The following LRRTM4 variants were observed in gnomAD, a reference collection of about 807,000 sequenced individuals.
The protein encoded by LRRTM4 is leucine-rich repeat transmembrane neuronal protein 4.
In LRRTM4, 25 loss-of-function variants were observed where a neutral mutation model predicts 47.6. That is an observed-to-expected ratio of 0.53 (90% CI 0.38 to 0.73). LRRTM4 has a LOEUF of 0.73. Ranked by LOEUF, LRRTM4 falls within the 30% of genes least tolerant of loss-of-function variation. The pLI is 0.00. For missense variants in LRRTM4, 638 were observed against 713.4 expected (o/e 0.89, Z 1.20); for synonymous variants, 311 against 269.5 (o/e 1.15, Z -1.51).
At chr2:76,815,125 G>GAAAT (rs942700744) in intron 3 of LRRTM4, among the ~76,000 whole-genome samples, 1 of 151,742 alleles carries the variant, frequency 6.6e-6, no homozygotes, top group Non-Finnish European at 1.5e-5. Flanking sequence ...AATAAGAAAA[G>GAAAT]AAATAAATAA....
chr2:76,816,084 C>G (rs1229671753), intron 3 of LRRTM4, among the ~76,000 whole-genome samples: 1 of 152,046 alleles, frequency 6.6e-6, no homozygotes, highest in Non-Finnish European at 1.5e-5. Context: ...ATCAAATTCA[C>G]AAGTCTGTAC....
At chr2:76,779,002 C>A (rs1674193236) in intron 3 of LRRTM4, among the ~76,000 whole-genome samples, 1 of 135,034 alleles carries the variant, frequency 7.4e-6, no homozygotes, top group Admixed American at 7.7e-5. Context: ...TTATTTGTGC[C>A]TTCATTTCGT....
intron 3 of LRRTM4, among the ~76,000 whole-genome samples, chr2:76,830,737 C>T (rs576012619): frequency 2.2e-4 from 34 of 151,842 alleles, no homozygotes; most frequent in Non-Finnish European, 4.3e-4. Context: ...ACTGGAAAAA[C>T]AAGAAATGGG....
At chr2:77,246,636 T>A (rs1558651598) in intron 3 of LRRTM4, among the ~76,000 whole-genome samples, 1 of 152,094 alleles carries the variant, frequency 6.6e-6, no homozygotes, top group South Asian at 2.1e-4. Flanking sequence ...TTAGACATTA[T>A]CCTCTGATTT....
At chr2:77,228,750 A>C (rs1212195548) in intron 3 of LRRTM4, among the ~76,000 whole-genome samples, 2 of 152,212 alleles carry the variant, frequency 1.3e-5, no homozygotes, top group Non-Finnish European at 2.9e-5. Flanking sequence ...TCAGGAGAAG[A>C]GCTAGTGCTT....
chr2:77,342,840 C>T (rs1428105706), intron 3 of LRRTM4, among the ~76,000 whole-genome samples: 1 of 118,480 alleles, frequency 8.4e-6, no homozygotes, highest in Non-Finnish European at 2.1e-5. Flanking sequence ...GGTATGTTCC[C>T]CAGGCAGGTT....
At chr2:76,950,240 A>G (rs908977931) in intron 3 of LRRTM4, among the ~76,000 whole-genome samples, 1 of 151,948 alleles carries the variant, frequency 6.6e-6, no homozygotes, top group Non-Finnish European at 1.5e-5. Context: ...GTCTAAATAC[A>G]TATATTAAAA....
intron 3 of LRRTM4, among the ~76,000 whole-genome samples, chr2:77,193,119 T>C (rs532821525): frequency 2.6e-5 from 4 of 152,330 alleles, no homozygotes; most frequent in Admixed American, 1.3e-4. Context: ...AATGCTTGGA[T>C]ACGCAAGTAC....
chr2:77,280,547 G>A (rs1169638404), intron 3 of LRRTM4, among the ~76,000 whole-genome samples: 1 of 151,968 alleles, frequency 6.6e-6, no homozygotes, highest in African/African-American at 2.4e-5. Context: ...TAAAGGTGCA[G>A]AACAAGGGAA....
intron 3 of LRRTM4, among the ~76,000 whole-genome samples, chr2:77,374,858 T>C (rs780939940): frequency 2.6e-5 from 4 of 151,770 alleles, no homozygotes; most frequent in African/African-American, 4.8e-5. Flanking sequence ...TCATCTCTTT[T>C]TGTGAAATGG....
At chr2:77,051,148 A>G (rs999251076) in intron 3 of LRRTM4, among the ~76,000 whole-genome samples, 2 of 151,860 alleles carry the variant, frequency 1.3e-5, no homozygotes, top group South Asian at 2.1e-4. Context: ...AGGGGCTGCT[A>G]TTGTCATCTA....
At chr2:76,981,816 A>G (rs1239215157) in intron 3 of LRRTM4, among the ~76,000 whole-genome samples, 2 of 151,874 alleles carry the variant, frequency 1.3e-5, no homozygotes, top group African/African-American at 4.8e-5. Flanking sequence ...TAAATCTATT[A>G]AGAAATAGTC....
At chr2:77,020,983 G>T (rs1366885867) in intron 3 of LRRTM4, among the ~76,000 whole-genome samples, 1 of 152,106 alleles carries the variant, frequency 6.6e-6, no homozygotes, top group African/African-American at 2.4e-5. Flanking sequence ...TCCTGTATGT[G>T]TCTCACCATT....
intron 3 of LRRTM4, among the ~76,000 whole-genome samples, chr2:76,785,782 T>G (rs191027289): frequency 6.6e-6 from 1 of 152,242 alleles, no homozygotes; most frequent in Admixed American, 6.5e-5. Flanking sequence ...ATATTTAAAC[T>G]TATAGCATGG....
At chr2:77,279,820 G>A (rs1012852262) in intron 3 of LRRTM4, among the ~76,000 whole-genome samples, 2 of 151,890 alleles carry the variant, frequency 1.3e-5, no homozygotes, top group Non-Finnish European at 2.9e-5. Flanking sequence ...GAGAGAGGCA[G>A]GACATATTTA....
intron 3 of LRRTM4, among the ~76,000 whole-genome samples, chr2:77,091,233 T>A (rs1670626598): frequency 6.7e-6 from 1 of 150,264 alleles, no homozygotes; most frequent in East Asian, 2.0e-4. Context: ...CTCCTTTGCG[T>A]CCTCCTCTTG....
intron 3 of LRRTM4, among the ~76,000 whole-genome samples, chr2:77,310,151 A>G (rs1239952557): frequency 6.6e-6 from 1 of 152,160 alleles, no homozygotes; most frequent in Non-Finnish European, 1.5e-5. Context: ...TATATATGCT[A>G]AGCTCATATG....
At chr2:77,386,439 G>T (rs959779938) in intron 3 of LRRTM4, among the ~76,000 whole-genome samples, 1 of 152,116 alleles carries the variant, frequency 6.6e-6, no homozygotes, top group Non-Finnish European at 1.5e-5. Flanking sequence ...CCCTGCAAAG[G>T]ACATAAACTC....
chr2:77,164,861 GA>G (rs1180563386), intron 3 of LRRTM4, among the ~76,000 whole-genome samples: 7 of 152,126 alleles, frequency 4.6e-5, no homozygotes, highest in Admixed American at 4.6e-4. Flanking sequence ...AGAGAAAGCA[GA>G]AAAGATCTAA....
Sources: gnomAD v4.1 joint callset for allele counts (sites outside exome capture counted in the v4.1 genomes callset) on GRCh38, gnomAD v4.1.1 for gene constraint, MANE v1.5 for transcripts, NCBI Gene and HGNC (gene_info 2026-07-23, HGNC 2026-07-21) for gene names.